VPS13A: variants seen among roughly 807,000 people sequenced by gnomAD.
The protein encoded by VPS13A is vacuolar protein sorting 13 homolog A, also known as intermembrane lipid transfer protein VPS13A.
In VPS13A, 264 loss-of-function variants were observed where a neutral mutation model predicts 390.9. The ratio of observed to expected loss-of-function variants is 0.68; its 90% confidence interval spans 0.61 to 0.75. VPS13A has a LOEUF of 0.75. Ranked by LOEUF, VPS13A falls within the 30% of genes least tolerant of loss-of-function variation. The probability of loss-of-function intolerance (pLI) is 0.00; values close to 1 mark genes in which losing one functional copy is unlikely to be tolerated. For missense variants in VPS13A, 3,409 were observed against 3,733.9 expected, an observed-to-expected ratio of 0.91 and a Z score of 2.27; for synonymous variants, 1,231 against 1,227.1, an observed-to-expected ratio of 1.00 and a Z score of -0.07.
At chr9:77,396,323 C>T (rs1834116531) in intron 68 of VPS13A, among the ~76,000 whole-genome samples, 1 of 152,174 alleles carries the variant, frequency 6.6e-6, no homozygotes, top group South Asian at 2.1e-4. Flanking sequence ...CCTGTCTAAG[C>T]TGTCAGTATA....
chr9:77,404,571 G>A (rs1404526672), intron 69 of VPS13A, among the ~76,000 whole-genome samples: 2 of 152,180 alleles, frequency 1.3e-5, no homozygotes, highest in East Asian at 1.9e-4. Flanking sequence ...TAACTAATCA[G>A]CATTAAGCAA....
intron 45 of VPS13A, among the ~76,000 whole-genome samples, chr9:77,328,154 G>A (rs1830107525): frequency 6.6e-6 from 1 of 152,190 alleles, no homozygotes; most frequent in Non-Finnish European, 1.5e-5. Flanking sequence ...AGGCATGAAA[G>A]CAACATTAAG....
At chr9:77,384,911 A>G in intron 68 of VPS13A, 1 of 1,352,950 alleles carries the variant, frequency 7.4e-7, no homozygotes, top group Non-Finnish European at 9.5e-7. Context: ...ATTTGCTTTT[A>G]TATATTTTAT....
intron 17 of VPS13A, among the ~76,000 whole-genome samples, chr9:77,229,238 C>A (rs1324856720): frequency 6.6e-6 from 1 of 151,894 alleles, no homozygotes; most frequent in African/African-American, 2.4e-5. Flanking sequence ...GCCACCAACA[C>A]CTTGCTAATT....
At chr9:77,231,725 G>A (rs1823840529) in intron 17 of VPS13A, among the ~76,000 whole-genome samples, 1 of 151,986 alleles carries the variant, frequency 6.6e-6, no homozygotes, top group Admixed American at 6.6e-5. Flanking sequence ...CATTGATACT[G>A]TCCTTTGGTG....
chr9:77,223,404 G>A (rs1823332503), intron 13 of VPS13A, among the ~76,000 whole-genome samples: 1 of 152,176 alleles, frequency 6.6e-6, no homozygotes. Flanking sequence ...CATGTTGAAA[G>A]CAGAGATAGG....
intron 68 of VPS13A, among the ~76,000 whole-genome samples, chr9:77,394,017 C>T (rs1305858124): frequency 6.6e-6 from 1 of 151,938 alleles, no homozygotes; most frequent in African/African-American, 2.4e-5. Flanking sequence ...ATCCACCCAC[C>T]TCGGCGTCCC....
intron 71 of VPS13A, among the ~76,000 whole-genome samples, chr9:77,410,928 C>T (rs1305479076): frequency 2.6e-5 from 4 of 152,160 alleles, no homozygotes; most frequent in Non-Finnish European, 5.9e-5. Context: ...CAGCTCTGCA[C>T]CAAGCAGACC....
At chr9:77,366,665 A>C in intron 60 of VPS13A, 62 bp from the exon 61 acceptor site, 1 of 1,420,560 alleles carries the variant, frequency 7.0e-7, no homozygotes. Flanking sequence ...CTGATTTTTT[A>C]AGAGTTAAAA....
chr9:77,292,161 T>G (rs568236331), intron 31 of VPS13A, among the ~76,000 whole-genome samples: 1 of 152,306 alleles, frequency 6.6e-6, no homozygotes, highest in South Asian at 2.1e-4. Flanking sequence ...AAGGAAAGCC[T>G]TCTCTTGTTT....
chr9:77,296,483 T>C (rs1480371107), intron 33 of VPS13A, among the ~76,000 whole-genome samples: 2 of 152,148 alleles, frequency 1.3e-5, no homozygotes, highest in Non-Finnish European at 2.9e-5. Flanking sequence ...TCATTTTTCT[T>C]TGATATAATT....
chr9:77,368,706 C>T (rs371626559), intron 62 of VPS13A, among the ~76,000 whole-genome samples: 2 of 152,196 alleles, frequency 1.3e-5, no homozygotes, highest in African/African-American at 2.4e-5. Context: ...ATCTATAAAA[C>T]GGTGGTGGTA....
rs1827951549 is a variant in VPS13A at position 77,295,718 on chromosome 9, T to C, written c.3684T>C (p.Asn1228=). The C allele has an allele frequency of 6.2e-7, 1 of 1,614,018 alleles. No individual in the cohort carries two copies. The change falls in exon 33 of 72, where the codon AAT becomes AAC. Residue 1228 remains asparagine, a synonymous_variant. Coordinates refer to ENST00000360280, the MANE Select transcript of VPS13A (RefSeq NM_033305.3). ...TCCCGCAGTCTCCAGTTTCTGAAAA[T>C]GTTTTTGTTGCTGATTTTGGACTAA... is the stretch of plus-strand genomic sequence containing the variant. ...VVIPQSPVSE[N]VFVADFGLIT... is the part of the protein sequence containing the mutation.
chr9:77,188,378 T>C (rs1281564168), intron 1 of VPS13A, among the ~76,000 whole-genome samples: 1 of 152,208 alleles, frequency 6.6e-6, no homozygotes, highest in Non-Finnish European at 1.5e-5. Context: ...TTGGTTTTCT[T>C]TTTCTGTGAT....
chr9:77,408,463 G>C (rs982885535), intron 71 of VPS13A, among the ~76,000 whole-genome samples: 1 of 152,222 alleles, frequency 6.6e-6, no homozygotes, highest in African/African-American at 2.4e-5. Flanking sequence ...TGGGTGCAGC[G>C]CACCGAGCGT....
chr9:77,192,596 T>G (rs545404354), intron 1 of VPS13A, among the ~76,000 whole-genome samples: 5 of 152,216 alleles, frequency 3.3e-5, no homozygotes, highest in African/African-American at 1.2e-4. Context: ...GATTCACTTA[T>G]GAAGTTTAGT....
At chr9:77,216,482 G>A (rs1822873175) in intron 10 of VPS13A, among the ~76,000 whole-genome samples, 1 of 152,162 alleles carries the variant, frequency 6.6e-6, no homozygotes, top group South Asian at 2.1e-4. Flanking sequence ...AGAGAATGGT[G>A]TCTAGTACGC....
intron 23 of VPS13A, among the ~76,000 whole-genome samples, chr9:77,269,383 T>G (rs1256349267): frequency 5.3e-5 from 8 of 152,218 alleles, no homozygotes; most frequent in Non-Finnish European, 5.9e-5. Flanking sequence ...TTCCAGTGAT[T>G]TCTGTGTCTA....
chr9:77,284,976 A>G (rs1043755819), intron 31 of VPS13A, among the ~76,000 whole-genome samples: 1 of 152,136 alleles, frequency 6.6e-6, no homozygotes, highest in Non-Finnish European at 1.5e-5. Context: ...AAATGCTGGT[A>G]TTACAAGCAT....
Sources: gnomAD v4.1 joint callset for allele counts (sites outside exome capture counted in the v4.1 genomes callset) on GRCh38, gnomAD v4.1.1 for gene constraint, MANE v1.5 for transcripts, NCBI Gene and HGNC (gene_info 2026-07-23, HGNC 2026-07-21) for gene names.